The following IFT43 variants were observed in gnomAD, a reference collection of about 807,000 sequenced individuals.
IFT43 encodes intraflagellar transport 43.
IFT43 carries 33 observed loss-of-function variants against 32.3 expected under a neutral mutation model. The observed-to-expected ratio is 1.02, with a 90% CI of 0.77 to 1.37. The LOEUF is 1.37. IFT43 is among the 40% of genes most tolerant of loss of function. The pLI is 0.00. For missense variants in IFT43, 274 were observed against 265.9 expected (o/e 1.03, Z -0.21); for synonymous variants, 93 against 98.2 (o/e 0.95, Z 0.31).
intron 5 of IFT43, among the ~76,000 whole-genome samples, chr14:76,071,907 C>T (rs545783340): frequency 1.3e-5 from 2 of 152,072 alleles, no homozygotes; most frequent in African/African-American, 2.4e-5. Context: ...CTTTGTGTCT[C>T]CTAACCCCCC....
At chr14:76,035,609 C>T (rs1177505302) in intron 3 of IFT43, among the ~76,000 whole-genome samples, 1 of 152,218 alleles carries the variant, frequency 6.6e-6, no homozygotes, top group Non-Finnish European at 1.5e-5. Flanking sequence ...AAAGCAAAAA[C>T]TCATGGAGCC....
intron 5 of IFT43, among the ~76,000 whole-genome samples, chr14:76,081,380 T>G (rs189615160): frequency 1.7e-4 from 26 of 152,236 alleles, no homozygotes; most frequent in Non-Finnish European, 2.9e-4. Flanking sequence ...CAGGCCTTTT[T>G]TCTTGCACCA....
intron 5 of IFT43, among the ~76,000 whole-genome samples, chr14:76,073,515 G>A (rs1434777647): frequency 6.6e-6 from 1 of 152,206 alleles, no homozygotes. Flanking sequence ...TCATGGCCAA[G>A]TGACGCGTTT....
intron 3 of IFT43, among the ~76,000 whole-genome samples, chr14:76,052,444 GT>G (rs1353685242): frequency 6.6e-6 from 1 of 152,140 alleles, no homozygotes; most frequent in Non-Finnish European, 1.5e-5. Context: ...AGTTCATGGG[GT>G]CCCTGCAGTT....
At chr14:75,988,784 C>T (rs754330239) in intron 1 of IFT43, 101 bp from the exon 2 acceptor site, 6 of 1,579,880 alleles carry the variant, frequency 3.8e-6, no homozygotes, top group Non-Finnish European at 4.3e-6. Context: ...TCCCAAAGTG[C>T]TGGGATTGCA....
intron 4 of IFT43, chr14:76,058,903 G>A: frequency 6.8e-7 from 1 of 1,464,492 alleles, no homozygotes; most frequent in Non-Finnish European, 8.9e-7. Context: ...TGTGGTTTTA[G>A]AATTATATGT....
rs59989662 is a variant in IFT43 at position 76,058,627 on chromosome 14, CT to C, written c.216-4del. 0.37 allele frequency: 512,962 copies of C among 1,392,084 alleles called. 70,996 individuals are homozygous for C. The highest frequency in any genetic ancestry group is 0.45 in the African/African-American group (31,157 of 69,656). The allele number at this position is 1,392,084 out of a possible 1,614,324, so 86.2% of individuals were successfully genotyped here. On this transcript the variant is annotated splice_polypyrimidine_tract_variant and intron_variant, in intron 3 of 8. Coordinates refer to ENST00000314067, the MANE Select transcript of IFT43 (RefSeq NM_001102564.3). ...TGGGCTCTCAAAAACCTTGTCTTTT[CT>C]TTTTTTTTTTCAGGTTTAGGAGGAA...
chr14:76,042,934 G>A (rs1475477217), intron 3 of IFT43, among the ~76,000 whole-genome samples: 1 of 152,176 alleles, frequency 6.6e-6, no homozygotes, highest in Non-Finnish European at 1.5e-5. Flanking sequence ...TTTCCTAAGT[G>A]CCACCTTCTC....
chr14:76,077,379 A>G (rs2037430265), intron 5 of IFT43, among the ~76,000 whole-genome samples: 1 of 152,216 alleles, frequency 6.6e-6, no homozygotes, highest in Non-Finnish European at 1.5e-5. Context: ...GGAACAATGT[A>G]GAGAAGTAGA....
chr14:76,076,587 T>G (rs2037416603), intron 5 of IFT43: 1 of 1,613,986 alleles, frequency 6.2e-7, no homozygotes, highest in Non-Finnish European at 8.5e-7. Context: ...GAAGTCACTT[T>G]CTGTTCTAGC....
intron 2 of IFT43, among the ~76,000 whole-genome samples, chr14:76,018,060 G>GGCC (rs2036222218): frequency 6.6e-6 from 1 of 151,050 alleles, no homozygotes; most frequent in African/African-American, 2.4e-5. Flanking sequence ...GTTCTGCTCT[G>GGCC]ATTTTATTAT....
chr14:76,034,348 A>C (rs576099282), intron 3 of IFT43, among the ~76,000 whole-genome samples: 2 of 152,152 alleles, frequency 1.3e-5, no homozygotes, highest in Non-Finnish European at 2.9e-5. Flanking sequence ...CCTTGTCCCC[A>C]TCATGAGGGC....
At chr14:76,062,598 C>T (rs1323003110) in intron 5 of IFT43, among the ~76,000 whole-genome samples, 1 of 152,072 alleles carries the variant, frequency 6.6e-6, no homozygotes. Context: ...ACGTGTATTG[C>T]TTTTGCACCA....
At chr14:76,065,198 T>C (rs953236794) in intron 5 of IFT43, among the ~76,000 whole-genome samples, 1 of 152,200 alleles carries the variant, frequency 6.6e-6, no homozygotes, top group Non-Finnish European at 1.5e-5. Flanking sequence ...TCTGGTCCTC[T>C]GACTTCCAGG....
At chr14:76,059,732 G>A (rs2037093920) in intron 5 of IFT43, 3 of 356,754 alleles carry the variant, frequency 8.4e-6, no homozygotes, top group South Asian at 4.6e-5. Flanking sequence ...TTTACTAGGT[G>A]TTGACTATAT....
chr14:76,039,084 G>A (rs911539528), intron 3 of IFT43, among the ~76,000 whole-genome samples: 3 of 151,968 alleles, frequency 2.0e-5, no homozygotes, highest in African/African-American at 4.8e-5. Context: ...GCACAGGCAC[G>A]CAGGTCTAAT....
intron 3 of IFT43, among the ~76,000 whole-genome samples, chr14:76,034,894 A>G (rs186933468): frequency 7.9e-4 from 120 of 152,356 alleles, no homozygotes; most frequent in South Asian, 2.5e-3. Context: ...TGCCCGAGGT[A>G]GGACACTTAT....
rs750135817 is a variant in IFT43, at chr14:76,076,608, CAG to C, written c.296-5686_296-5685del. 2.5e-6 allele frequency: 4 copies of C among 1,614,152 alleles called. No homozygotes were observed. The Admixed American group carries it at 6.7e-5, about 27-fold the overall frequency. ...ACTTTCTGTTCTAGCGGTACCCAAA[CAG>C]GCAAACAACAGCTGGATCTGAACGC... On this transcript the variant is annotated intron_variant, in intron 5 of 8. Coordinates refer to ENST00000314067, the MANE Select transcript of IFT43 (RefSeq NM_001102564.3).
At chr14:76,002,440 GAA>G (rs2035905512) in intron 2 of IFT43, among the ~76,000 whole-genome samples, 1 of 152,064 alleles carries the variant, frequency 6.6e-6, no homozygotes, top group African/African-American at 2.4e-5. Context: ...CACCAAGAAG[GAA>G]GTTGTTAGAT....
Sources: gnomAD v4.1 joint callset for allele counts (sites outside exome capture counted in the v4.1 genomes callset) on GRCh38, gnomAD v4.1.1 for gene constraint, MANE v1.5 for transcripts, NCBI Gene and HGNC (gene_info 2026-07-23, HGNC 2026-07-21) for gene names.